MLANA: variants seen among roughly 807,000 people sequenced by gnomAD.
MLANA encodes the protein melanoma antigen recognized by T-cells 1.
A neutral mutation model predicts 15.7 loss-of-function variants in MLANA; 21 were observed. The ratio of observed to expected loss-of-function variants is 1.33; its 90% CI spans 0.95 to 1.92. The LOEUF is 1.92. MLANA is among the 40% of genes most tolerant of loss of function. MLANA has a pLI of 0.00. For synonymous variants in MLANA, 56 were observed against 51.5 expected (o/e 1.09, Z -0.37); for missense variants, 164 against 143.8 (o/e 1.14, Z -0.72).
chr9:5,905,918 GT>G (rs887584934), intron 3 of MLANA, among the ~76,000 whole-genome samples: 1 of 152,120 alleles, frequency 6.6e-6, no homozygotes, highest in Non-Finnish European at 1.5e-5. Context: ...ATATTTTGCA[GT>G]TTTTTTCTTT....
At chr9:5,900,965 A>T (rs1832380789) in intron 3 of MLANA, among the ~76,000 whole-genome samples, 1 of 152,014 alleles carries the variant, frequency 6.6e-6, no homozygotes, top group South Asian at 2.1e-4. Flanking sequence ...CCTGCACTGG[A>T]ATACTTTGGG....
intron 2 of MLANA, among the ~76,000 whole-genome samples, chr9:5,893,146 A>G (rs1308628313): frequency 6.6e-6 from 1 of 152,214 alleles, no homozygotes; most frequent in Non-Finnish European, 1.5e-5. Flanking sequence ...CACTGTTTTT[A>G]TCTTTGAAAA....
Position 5,894,685 on chromosome 9 carries a change from T to C in MLANA, c.77+2134T>C, listed in dbSNP as rs1831894503. Among the ~76,000 whole-genome samples, 1 of 152,116 alleles carries C rather than the reference T, an allele frequency of 6.6e-6. No homozygotes were observed. The highest frequency in any genetic ancestry group is 2.1e-4 in the South Asian group (1 of 4,826). On this transcript the variant is annotated intron_variant, in intron 2 of 4. Coordinates refer to ENST00000381477, the MANE Select transcript of MLANA (RefSeq NM_005511.2). This position sits in a 1 kb window ranked among gnomAD's most constrained non-coding sequence, Gnocchi z 4.0. The stretch of plus-strand genomic sequence containing the variant: ...GCTGGTGCTTGGCATATACAGACAA[T>C]GTGAGCATTGCTGGGGTGATCCTGA...
intron 4 of MLANA, 28 bp from the exon 5 acceptor site, chr9:5,908,612 C>T: frequency 6.3e-7 from 1 of 1,595,246 alleles, no homozygotes; most frequent in Non-Finnish European, 8.6e-7. Context: ...GTTGCCAAGC[C>T]CATATTCTCC....
At chr9:5,901,138 AAAAG>A (rs1251093286) in intron 3 of MLANA, among the ~76,000 whole-genome samples, 2 of 152,224 alleles carry the variant, frequency 1.3e-5, no homozygotes, top group African/African-American at 4.8e-5. Context: ...GCTTAAAAAA[AAAAG>A]AAAAAGAAAA....
chr9:5,907,172 A>C (rs866094148), intron 4 of MLANA, 174 bp downstream of exon 4: 8 of 379,928 alleles, frequency 2.1e-5, no homozygotes, highest in African/African-American at 1.3e-4. Flanking sequence ...TATGAGAATA[A>C]AAAATAAATA....
rs766274281 is a variant in MLANA at position 5,892,543 on chromosome 9, G to T, written c.69G>T (p.Thr23=). ...PKKGHGHSYT[T]AEEAAGIGIL... Reference sequence around the variant, plus strand: ...AGGGGCACGGCCACTCTTACACCACGGCTGAAGAGTAAGTTCAAAACCAGA... The same window carrying T: ...AGGGGCACGGCCACTCTTACACCACTGCTGAAGAGTAAGTTCAAAACCAGA... The change falls in exon 2 of 5, where the codon ACG becomes ACT. Residue 23 remains threonine, a synonymous_variant. Transcript: ENST00000381477. The T allele has an allele frequency of 6.2e-7, 1 of 1,612,558 alleles. No homozygotes were observed. The highest frequency in any genetic ancestry group is 1.1e-5 in the South Asian group (1 of 90,754).
intron 3 of MLANA, chr9:5,898,179 G>C (rs1832163181): frequency 6.5e-6 from 1 of 152,808 alleles, no homozygotes; most frequent in Non-Finnish European, 1.5e-5. Flanking sequence ...GAGTAGCTGG[G>C]ACCACAGGCA....
intron 4 of MLANA, chr9:5,907,210 AT>A: frequency 6.2e-6 from 2 of 320,460 alleles, no homozygotes; most frequent in Non-Finnish European, 1.1e-5. Flanking sequence ...AAGTACAGAT[AT>A]TTTCTTAATT....
intron 2 of MLANA, among the ~76,000 whole-genome samples, chr9:5,895,354 G>C (rs559557982): frequency 7.9e-5 from 12 of 151,906 alleles, no homozygotes; most frequent in African/African-American, 2.7e-4. Context: ...TAAATAGGTG[G>C]GATGGAGGTA....
At chr9:5,901,656 C>G in intron 3 of MLANA, among the ~76,000 whole-genome samples, 1 of 152,192 alleles carries the variant, frequency 6.6e-6, no homozygotes, top group Non-Finnish European at 1.5e-5. Flanking sequence ...GTAGCTGGGA[C>G]CACAGGTGTA....
chr9:5,909,225 T>A lies in MLANA; in HGVS notation c.*517T>A, dbSNP rs1833010286. On this transcript the variant is annotated 3_prime_UTR_variant, in exon 5 of 5. Transcript: ENST00000381477. The stretch of plus-strand genomic sequence containing the variant: ...GCAATGTCTCTTTGTGCTCTAAAAT[T>A]CTATTATACTACAATAATATATTGT... 2 of 153,150 alleles carry A rather than the reference T, an allele frequency of 1.3e-5. No homozygotes were observed. The highest frequency in any genetic ancestry group is 4.8e-5 in the African/African-American group (2 of 41,464). 9.5% of individuals were successfully genotyped at this position (153,150 alleles called of 1,614,324 possible).
intron 3 of MLANA, among the ~76,000 whole-genome samples, chr9:5,900,982 G>A (rs1832382968): frequency 6.6e-6 from 1 of 152,098 alleles, no homozygotes. Flanking sequence ...TGGGGTTCTT[G>A]CTAAAAGGCA....
chr9:5,906,628 C>A (rs146604133), intron 3 of MLANA, among the ~76,000 whole-genome samples: 1 of 152,198 alleles, frequency 6.6e-6, no homozygotes, highest in South Asian at 2.1e-4. Context: ...CTTTGACCAA[C>A]TATTGGGTCC....
At chr9:5,905,519 T>G (rs13291685) in intron 3 of MLANA, among the ~76,000 whole-genome samples, 31,587 of 152,180 alleles carry the variant, frequency 0.21, 3,430 homozygotes, top group South Asian at 0.3. Flanking sequence ...TTTTTTTAAT[T>G]AACCCCATAT....
intron 1 of MLANA, 147 bp from the exon 2 acceptor site, chr9:5,892,303 A>G (rs1831705734): frequency 2.3e-6 from 1 of 440,760 alleles, no homozygotes; most frequent in Non-Finnish European, 3.9e-6. Context: ...TGAAAGAAGC[A>G]GGTGCAAATC....
chr9:5,903,507 A>T (rs1350092676), intron 3 of MLANA, among the ~76,000 whole-genome samples: 1 of 152,158 alleles, frequency 6.6e-6, no homozygotes, highest in Non-Finnish European at 1.5e-5. Flanking sequence ...ATATTAGGGT[A>T]ATGTTGGCCT....
intron 3 of MLANA, among the ~76,000 whole-genome samples, chr9:5,904,435 T>C (rs62554989): frequency 2.1e-3 from 325 of 152,338 alleles, no homozygotes; most frequent in Middle Eastern, 0.02. Flanking sequence ...ACATTTTATA[T>C]GATTCCATTT....
At position 5,904,501 on chromosome 9, in the gene MLANA, C is replaced by T. The variant is rs1294745461; in HGVS notation, c.175-2384C>T. Among the ~76,000 whole-genome samples the T allele has an allele frequency of 3.3e-5, 5 of 152,046 alleles. No homozygotes were observed. In the South Asian group the frequency reaches 1.0e-3, roughly 32 times the overall value. ...TTTTTCTTTTTGAGACAGAATCTCACTCACTCTGTCGCCCAGGCTGGAGTG... is the reference window on the plus strand; with the variant it reads ...TTTTTCTTTTTGAGACAGAATCTCATTCACTCTGTCGCCCAGGCTGGAGTG... On this transcript the variant is annotated intron_variant, in intron 3 of 4. Transcript: ENST00000381477.
Sources: allele counts gnomAD v4.1 joint callset (sites outside exome capture counted in the v4.1 genomes callset), GRCh38; gene constraint gnomAD v4.1.1; non-coding constraint Gnocchi (gnomAD v3.1); transcripts MANE v1.5; gene names NCBI Gene and HGNC (gene_info 2026-07-23, HGNC 2026-07-21).